The following SARDH variants were observed in gnomAD, a reference collection of about 807,000 sequenced individuals.
SARDH encodes the protein sarcosine dehydrogenase, also known as sarcosine dehydrogenase, mitochondrial.
In SARDH, 95 loss-of-function variants were observed where a neutral mutation model predicts 109.1. The observed-to-expected ratio is 0.87, with a 90% CI of 0.74 to 1.03. The LOEUF (loss-of-function observed/expected upper bound fraction) is 1.03, where lower values mean the gene tolerates loss of function less well. SARDH is among the 50% of genes least tolerant of loss of function. The pLI is 0.00. For missense variants in SARDH, 1,267 were observed against 1,287.8 expected (o/e 0.98, Z 0.25); for synonymous variants, 572 against 534.8 (o/e 1.07, Z -0.96).
chr9:133,719,537 G>C (rs1055514985), intron 6 of SARDH, among the ~76,000 whole-genome samples: 2 of 152,144 alleles, frequency 1.3e-5, no homozygotes, highest in Non-Finnish European at 2.9e-5. Flanking sequence ...TCCCTCTTCA[G>C]GGGGTGATGC....
At chr9:133,735,198 C>T (rs796368836) in intron 1 of SARDH, among the ~76,000 whole-genome samples, 23 of 152,300 alleles carry the variant, frequency 1.5e-4, no homozygotes, top group African/African-American at 5.5e-4. Flanking sequence ...GAGGGGTTGC[C>T]CCCTCATCAG....
Position 133,736,040 on chromosome 9 carries a change from C to CA in SARDH, c.-30-1838dup, listed in dbSNP as rs60023194. Among the ~76,000 whole-genome samples, 516 of 116,784 alleles carry CA rather than the reference C, an allele frequency of 4.4e-3. 6 individuals carry two copies. Among genetic ancestry groups the CA allele is most frequent in the African/African-American group, 7.8e-3 (262 of 33,792 alleles). The allele number at this position is 116,784 out of a possible 152,430, so 76.6% of individuals were successfully genotyped here. On this transcript the variant is annotated intron_variant, in intron 1 of 20. Transcript: ENST00000439388. The stretch of plus-strand genomic sequence containing the variant: ...GGGCAACAAGAGTGAAACTCCGTCT[C>CA]AAAAAAAAAAAAAAAAAGATGCGAA...
chr9:133,723,727 C>A (rs1301227614), intron 6 of SARDH, among the ~76,000 whole-genome samples: 1 of 152,194 alleles, frequency 6.6e-6, no homozygotes, highest in East Asian at 1.9e-4. Flanking sequence ...CACACCACTG[C>A]ACTCCAGCCT....
intron 8 of SARDH, among the ~76,000 whole-genome samples, chr9:133,716,693 G>A (rs1290556338): frequency 6.6e-6 from 1 of 152,242 alleles, no homozygotes; most frequent in African/African-American, 2.4e-5. Flanking sequence ...TTTTGCTCCA[G>A]CCTCTTCCAG....
chr9:133,712,304 GC>G lies in SARDH; in HGVS notation c.1328+314del, dbSNP rs368145355. ...TCCCAGCTCAGCCCCGCTCCCTCCT[GC>G]CCCCAGGCCTCAGTCTCCCCATCTG... On this transcript the variant is annotated intron_variant, in intron 10 of 20. Transcript: ENST00000439388. This position sits in a 1 kb window ranked among gnomAD's most constrained non-coding sequence, Gnocchi z 4.1. Among the ~76,000 whole-genome samples the G allele has an allele frequency of 2.0e-5, 3 of 152,088 alleles. No individual in the cohort carries two copies. Among genetic ancestry groups the G allele is most frequent in the African/African-American group, 7.2e-5 (3 of 41,420 alleles).
At chr9:133,722,550 A>AG (rs1014889467) in intron 6 of SARDH, among the ~76,000 whole-genome samples, 3 of 152,194 alleles carry the variant, frequency 2.0e-5, no homozygotes, top group Non-Finnish European at 2.9e-5. Context: ...AGGCACCCAG[A>AG]TTGAAAAAGA....
Position 133,664,019 on chromosome 9 carries a change from G to C in SARDH, c.2632-5C>G, listed in dbSNP as rs1686894864. The stretch of plus-strand genomic sequence containing the variant: ...CTTCACAAAGTCCAGCGAGACCTAG[G>C]AGCAGAGGTGGGGATGAGGATCACT... On this transcript the variant is annotated splice_region_variant and splice_polypyrimidine_tract_variant and intron_variant, in intron 20 of 20. Coordinates refer to ENST00000439388, the MANE Select transcript of SARDH (RefSeq NM_001134707.2). The C allele has an allele frequency of 1.2e-6, 2 of 1,613,798 alleles. 1 individual carries two copies. Among genetic ancestry groups the C allele is most frequent in the African/African-American group, 2.7e-5 (2 of 74,932 alleles).
chr9:133,702,767 T>C (rs1402119791), intron 13 of SARDH, 149 bp downstream of exon 13: 1 of 670,296 alleles, frequency 1.5e-6, no homozygotes, highest in South Asian at 1.7e-5. Context: ...CTCCTCAAAA[T>C]GGAGTCAGCC....
At chr9:133,733,754 T>C (rs1832765222) in intron 2 of SARDH, 89 bp downstream of exon 2, 2 of 1,275,154 alleles carry the variant, frequency 1.6e-6, no homozygotes. Flanking sequence ...CTGGTTGTTG[T>C]GAACCAAGAA....
In SARDH at chr9:133,671,467, G is replaced by A. The variant is rs867832471; in HGVS notation, c.2326+68C>T. 47 of 1,467,228 alleles carry A rather than the reference G, an allele frequency of 3.2e-5. No homozygotes were observed. In the Middle Eastern group the frequency reaches 2.1e-3, roughly 66 times the overall value. The allele number at this position is 1,467,228 out of a possible 1,614,324, so 90.9% of individuals were successfully genotyped here. A position where few individuals can be genotyped will look rare whatever the true frequency, so the allele number is the denominator to read the frequency against. ...AGGTAAACAGCTTCTCGGCCTCCAG[G>A]TGTCTCGAGCGTCACTGCCCCCCAC... On this transcript the variant is annotated intron_variant, in intron 18 of 20. Transcript: ENST00000439388.
In SARDH at chr9:133,696,163, G is replaced by A. The variant is rs544046504; in HGVS notation, c.1807+60C>T. 11 of 1,600,134 alleles carry A rather than the reference G, an allele frequency of 6.9e-6. No individual in the cohort carries two copies. The East Asian group carries it at 2.2e-4, about 32-fold the overall frequency. Reference sequence around the variant, plus strand: ...CAGGGTGGCTTGCCAGCTCATCTCAGTGCCTGAGGCTGTGCCCATGGAGTG... The same window carrying A: ...CAGGGTGGCTTGCCAGCTCATCTCAATGCCTGAGGCTGTGCCCATGGAGTG... On this transcript the variant is annotated intron_variant, in intron 14 of 20. Transcript: ENST00000439388.
At position 133,717,471 on chromosome 9, in the gene SARDH, A is replaced by AGG. The variant is rs749064645; in HGVS notation, c.1021-18_1021-17dup. The AGG allele has an allele frequency of 6.2e-7, 1 of 1,613,882 alleles. No homozygotes were observed. The highest frequency in any genetic ancestry group is 8.5e-7 in the Non-Finnish European group (1 of 1,179,876). On this transcript the variant is annotated splice_polypyrimidine_tract_variant and intron_variant, in intron 7 of 20. Coordinates refer to ENST00000439388, the MANE Select transcript of SARDH (RefSeq NM_001134707.2). Reference sequence around the variant, plus strand: ...TGTCTGACACCTGCCAAGGCAGGGCAGGGGAACATCTCCGTTGTCCCCAAG... The same window carrying AGG: ...TGTCTGACACCTGCCAAGGCAGGGCAGGGGGGAACATCTCCGTTGTCCCCAAG...
At chr9:133,691,169 A>AACAC (rs3081171) in intron 15 of SARDH, among the ~76,000 whole-genome samples, 8,498 of 112,066 alleles carry the variant, frequency 0.076, 470 homozygotes, top group East Asian at 0.17. Flanking sequence ...CACCTCCCCC[A>AACAC]ACACACACAC....
intron 1 of SARDH, among the ~76,000 whole-genome samples, 196 bp from the exon 2 acceptor site, chr9:133,734,399 ATT>A (rs1832803832): frequency 3.1e-5 from 4 of 127,056 alleles, no homozygotes; most frequent in Non-Finnish European, 6.5e-5. Flanking sequence ...TCATTCACTC[ATT>A]CATTCACTCA....
intron 1 of SARDH, among the ~76,000 whole-genome samples, chr9:133,735,719 T>TA (rs769045818): frequency 8.5e-5 from 13 of 152,098 alleles, no homozygotes; most frequent in African/African-American, 3.1e-4. Context: ...ATTCTAATAG[T>TA]AAAAAAACAC....
intron 16 of SARDH, among the ~76,000 whole-genome samples, chr9:133,688,052 C>A (rs1050259929): frequency 6.6e-6 from 1 of 152,158 alleles, no homozygotes; most frequent in African/African-American, 2.4e-5. Flanking sequence ...CCACGGCCCA[C>A]CTGCCTCCCC....
chr9:133,711,023 C>T (rs1831899217), intron 10 of SARDH, among the ~76,000 whole-genome samples: 1 of 152,240 alleles, frequency 6.6e-6, no homozygotes, highest in Non-Finnish European at 1.5e-5. Context: ...GGCTCCCAGC[C>T]CCAGAGCAGC....
intron 5 of SARDH, 42 bp from the exon 6 acceptor site, chr9:133,729,907 G>T: frequency 6.2e-7 from 1 of 1,603,444 alleles, no homozygotes. Context: ...CTGACACCTG[G>T]TGGGAGCTGC....
At chr9:133,676,855 G>C (rs1354257576) in intron 17 of SARDH, among the ~76,000 whole-genome samples, 2 of 152,232 alleles carry the variant, frequency 1.3e-5, no homozygotes, top group African/African-American at 4.8e-5. Flanking sequence ...ATCACAGAAA[G>C]AGTCCGGGCG....
Sources: allele counts gnomAD v4.1 joint callset (sites outside exome capture counted in the v4.1 genomes callset), GRCh38; gene constraint gnomAD v4.1.1; non-coding constraint Gnocchi (gnomAD v3.1); transcripts MANE v1.5; gene names NCBI Gene and HGNC (gene_info 2026-07-23, HGNC 2026-07-21).